Variants in PRIM1 observed in about 807,000 individuals in gnomAD.
The protein encoded by PRIM1 is DNA primase small subunit.
A neutral mutation model predicts 60.2 loss-of-function variants in PRIM1; 38 were observed. The observed-to-expected ratio is 0.63, with a 90% confidence interval of 0.49 to 0.83. The LOEUF is 0.83. PRIM1 is among the 40% of genes least tolerant of loss of function. The pLI is 0.00. For missense variants in PRIM1, 388 were observed against 506.2 expected (o/e 0.77, Z 2.24); for synonymous variants, 158 against 160.2 (o/e 0.99, Z 0.10).
At chr12:56,736,281 G>A (rs536720156) in intron 11 of PRIM1, among the ~76,000 whole-genome samples, 1 of 94,902 alleles carries the variant, frequency 1.1e-5, no homozygotes, top group African/African-American at 4.4e-5. Context: ...CTGGGTGACA[G>A]AGTAAGACTC....
At chr12:56,734,448 G>T (rs1383875939) in intron 11 of PRIM1, among the ~76,000 whole-genome samples, 1 of 152,094 alleles carries the variant, frequency 6.6e-6, no homozygotes, top group Non-Finnish European at 1.5e-5. Flanking sequence ...CATGCAGACT[G>T]AAGTACAGTG....
In PRIM1 at chr12:56,746,044, C is replaced by T. The variant is rs777222430; in HGVS notation, c.579+1G>A. 9 of 1,602,348 alleles carry T rather than the reference C, an allele frequency of 5.6e-6. No individual in the cohort carries two copies. The highest frequency in any genetic ancestry group is 1.1e-5 in the South Asian group (1 of 88,402). ...GCAAATTAGAATTAAGAGGATCTTACCTTTACAAGGCTCAAATACTCAACT... is the reference window on the plus strand; with the variant it reads ...GCAAATTAGAATTAAGAGGATCTTATCTTTACAAGGCTCAAATACTCAACT... On this transcript the variant is annotated splice_donor_variant, in intron 5 of 12. Transcript: ENST00000338193. LOFTEE classifies it high-confidence loss of function.
intron 2 of PRIM1, among the ~76,000 whole-genome samples, chr12:56,747,988 A>T (rs2137868206): frequency 6.6e-6 from 1 of 152,236 alleles, no homozygotes; most frequent in South Asian, 2.1e-4. Flanking sequence ...AGATTTTTCA[A>T]GGCCACCCTT....
In PRIM1 at chr12:56,733,843, G is replaced by T. The variant is rs1953803047; in HGVS notation, c.1243+304C>A. Among the ~76,000 whole-genome samples the T allele has an allele frequency of 1.3e-5, 2 of 151,120 alleles. 1 individual carries two copies. The highest frequency in any genetic ancestry group is 4.2e-4 in the South Asian group (2 of 4,760). On this transcript the variant is annotated intron_variant, in intron 12 of 12. Coordinates refer to ENST00000338193, the MANE Select transcript of PRIM1 (RefSeq NM_000946.3). ...TGACCTCAAGTGATCCAACTGCCTT[G>T]GTCTCCCAAAGTGCTGGGATTACAG... is the stretch of plus-strand genomic sequence containing the variant.
chr12:56,751,594 TG>T (rs59102169), intron 1 of PRIM1: 4,565 of 156,416 alleles, frequency 0.029, 251 homozygotes, highest in African/African-American at 0.1. Flanking sequence ...CCCGAGAAGA[TG>T]TTTTTAATGA....
chr12:56,746,716 T>C, intron 4 of PRIM1, 65 bp downstream of exon 4: 1 of 1,364,428 alleles, frequency 7.3e-7, no homozygotes, highest in Non-Finnish European at 1.0e-6. Context: ...AGACTAATAG[T>C]TAATAGTAGT....
Position 56,746,019 on chromosome 12 carries a change from G to A in PRIM1, c.579+26C>T, listed in dbSNP as rs780180495. 6 of 1,578,614 alleles carry A rather than the reference G, an allele frequency of 3.8e-6. No homozygotes were observed. In the African/African-American group the frequency reaches 8.2e-5, roughly 22 times the overall value. On this transcript the variant is annotated intron_variant, in intron 5 of 12. Coordinates refer to ENST00000338193, the MANE Select transcript of PRIM1 (RefSeq NM_000946.3). ...GGTAACATCTAGAAACTAAAGCAAT[G>A]CAAATTAGAATTAAGAGGATCTTAC... is the stretch of plus-strand genomic sequence containing the variant.
intron 2 of PRIM1, among the ~76,000 whole-genome samples, chr12:56,749,140 C>T (rs1021896272): frequency 6.6e-6 from 1 of 152,098 alleles, no homozygotes; most frequent in Non-Finnish European, 1.5e-5. Context: ...TCCTGAGTAG[C>T]TGGGACTGTA....
At chr12:56,744,167 A>G (rs1371524782) in intron 5 of PRIM1, 44 bp from the exon 6 acceptor site, 1 of 1,377,762 alleles carries the variant, frequency 7.3e-7, no homozygotes, top group Non-Finnish European at 1.0e-6. Flanking sequence ...TATACAATAT[A>G]AATACAGTCA....
chr12:56,738,299 C>A, intron 11 of PRIM1, 135 bp downstream of exon 11: 1 of 1,252,092 alleles, frequency 8.0e-7, no homozygotes, highest in Non-Finnish European at 1.1e-6. Flanking sequence ...GAAGAAAGGA[C>A]ACAAACATTG....
At chr12:56,752,123 T>A in intron 1 of PRIM1, 73 bp downstream of exon 1, 1 of 1,125,034 alleles carries the variant, frequency 8.9e-7, no homozygotes, top group Non-Finnish European at 1.3e-6. Flanking sequence ...GCGCTTCATA[T>A]TGTCATTCTA....
intron 2 of PRIM1, 85 bp from the exon 3 acceptor site, chr12:56,747,117 G>A: frequency 2.6e-6 from 3 of 1,149,100 alleles, no homozygotes; most frequent in Non-Finnish European, 3.8e-6. Context: ...GGAAAAAGTT[G>A]CCAAACAGAA....
intron 11 of PRIM1, among the ~76,000 whole-genome samples, chr12:56,736,578 C>T (rs1325178956): frequency 6.6e-6 from 1 of 151,578 alleles, no homozygotes; most frequent in Non-Finnish European, 1.5e-5. Flanking sequence ...ACTTCAGCTC[C>T]CTGCAACCTC....
In PRIM1 at chr12:56,734,231, T is replaced by A. The variant is rs1307972418; in HGVS notation, c.1159A>T (p.Ser387Cys). Residue 387 changes from serine (S) to cysteine (C), a missense_variant, in exon 12 of 13, where the codon AGT becomes TGT. By Grantham distance (112) the Ser-to-Cys change is moderately radical. This residue lies in a region of PRIM1 where 211 missense variants were observed against 277.9 expected (regional missense o/e 0.76). Coordinates refer to ENST00000338193, the MANE Select transcript of PRIM1 (RefSeq NM_000946.3). ...AAAACTTTCACATAAGGTGCTAGAC[T>A]GGTCTTCTTATAATCTAAATTATGA... ...KHRTRDYKKT[S>C]LAPYVKVFEH... The A allele has an allele frequency of 6.3e-7, 1 of 1,585,054 alleles. No individual in the cohort carries two copies.
chr12:56,741,728 G>T lies in PRIM1; in HGVS notation c.840+18C>A, dbSNP rs373008443. On this transcript the variant is annotated intron_variant, in intron 8 of 12. Transcript: ENST00000338193. ...ATTGCATTATTATATCTGTAATACA[G>T]ATTTCAGTGGCATATACCTGATATC... 2 of 1,608,070 alleles carry T rather than the reference G, an allele frequency of 1.2e-6. No individual in the cohort carries two copies. The highest frequency in any genetic ancestry group is 1.7e-6 in the Non-Finnish European group (2 of 1,175,242).
chr12:56,738,945 G>A (rs1417726326), intron 10 of PRIM1, among the ~76,000 whole-genome samples: 14 of 152,232 alleles, frequency 9.2e-5, no homozygotes, highest in Admixed American at 8.5e-4. Context: ...AAAATTATGC[G>A]GCCAGCTAAA....
At chr12:56,746,705 G>A in intron 4 of PRIM1, 76 bp downstream of exon 4, 1 of 1,233,086 alleles carries the variant, frequency 8.1e-7, no homozygotes, top group East Asian at 2.4e-5. Context: ...ACAAAATACA[G>A]AGACTAATAG....
chr12:56,748,551 C>G (rs1046519184), intron 2 of PRIM1, among the ~76,000 whole-genome samples: 1 of 150,478 alleles, frequency 6.6e-6, no homozygotes. Flanking sequence ...CGCTTGAACC[C>G]GGGAGGCGGA....
intron 12 of PRIM1, 128 bp downstream of exon 12, chr12:56,734,019 C>T (rs555808367): frequency 4.9e-6 from 3 of 608,468 alleles, no homozygotes; most frequent in Admixed American, 3.1e-5. Context: ...ATTTCCAAAA[C>T]ATTAAGGATA....
Sources: gnomAD v4.1 joint callset for allele counts (sites outside exome capture counted in the v4.1 genomes callset) on GRCh38, gnomAD v4.1.1 for gene constraint, gnomAD v4.1.1 regional missense constraint, MANE v1.5 for transcripts, NCBI Gene and HGNC (gene_info 2026-07-23, HGNC 2026-07-21) for gene names.